MTARC2: variants seen among roughly 807,000 people sequenced by gnomAD.
MTARC2 encodes the protein mitochondrial amidoxime reducing component 2.
A neutral mutation model predicts 35.6 loss-of-function variants in MTARC2; 27 were observed. The ratio of observed to expected loss-of-function variants is 0.76; its 90% CI spans 0.56 to 1.04. The LOEUF is 1.04. Among genes scored for constraint, MTARC2 ranks in the 50% least tolerant of loss-of-function variants. The pLI is 0.00. For missense variants in MTARC2, 412 were observed against 432.5 expected (o/e 0.95, Z 0.42); for synonymous variants, 158 against 167.1 (o/e 0.95, Z 0.42).
rs1196344132 is a variant in MTARC2, at chr1:220,781,857, A to C, written c.964A>C (p.Ile322Leu). The C allele has an allele frequency of 1.2e-6, 2 of 1,614,226 alleles. No homozygotes were observed. Among genetic ancestry groups the C allele is most frequent in the African/African-American group, 2.7e-5 (2 of 75,072 alleles). The part of the protein sequence containing the change: ...LFGIYYSVEK[I>L]GSLRVGDPVY... ...TGGGATCTATTATTCAGTGGAAAAAATTGGAAGCCTGAGAGTTGGTGACCC... is the reference window on the plus strand; with the variant it reads ...TGGGATCTATTATTCAGTGGAAAAACTTGGAAGCCTGAGAGTTGGTGACCC... The change falls in exon 7 of 8, where the codon ATT becomes CTT. Residue 322 changes from isoleucine to leucine, a missense_variant. Ile to Leu is a conservative substitution (Grantham distance 5, BLOSUM62 2). Coordinates refer to ENST00000366913, the MANE Select transcript of MTARC2 (RefSeq NM_017898.5).
At chr1:220,782,402 A>G (rs1672097698) in intron 7 of MTARC2, among the ~76,000 whole-genome samples, 1 of 152,232 alleles carries the variant, frequency 6.6e-6, no homozygotes, top group African/African-American at 2.4e-5. Flanking sequence ...AGTTTGAAAA[A>G]AAATCAGTGC....
chr1:220,776,161 C>T (rs1671905670), intron 4 of MTARC2, among the ~76,000 whole-genome samples: 1 of 152,126 alleles, frequency 6.6e-6, no homozygotes, highest in African/African-American at 2.4e-5. Context: ...ATAAACATTC[C>T]CTTTTCTCCA....
Position 220,748,600 on chromosome 1 carries a change from C to G in MTARC2, c.69C>G (p.Leu23=). The G allele has an allele frequency of 6.9e-7, 1 of 1,455,962 alleles. No individual in the cohort carries two copies. Among genetic ancestry groups the G allele is most frequent in the Non-Finnish European group, 9.0e-7 (1 of 1,113,916 alleles). The allele number at this position is 1,455,962 out of a possible 1,614,324, so 90.2% of individuals were successfully genotyped here. The stretch of plus-strand genomic sequence containing the variant: ...CAGCCCGGCCCTGGCCCAGGTGGCT[C>G]GGGGTCGCCGCGCTAGGACTGGCCG... ...GLPARPWPRW[L]GVAALGLAAV... The change falls in exon 1 of 8, where the codon CTC becomes CTG. Residue 23 remains leucine (L), a synonymous_variant. Coordinates refer to ENST00000366913, the MANE Select transcript of MTARC2 (RefSeq NM_017898.5).
rs375772593 is a variant in MTARC2, at chr1:220,761,659, A to G, written c.448A>G (p.Ile150Val). ...GGTGTTCTTTTGTGACCTTTCCAGG[A>G]TATTTGGCCTTGACATTAAAGGCAG... is the stretch of plus-strand genomic sequence containing the variant. ...PSSNKLHNCR[I>V]FGLDIKGRDC... Residue 150 changes from isoleucine (I) to valine (V), a missense_variant and splice_region_variant, in exon 3 of 8, where the codon ATA becomes GTA. Physicochemically the swap from Ile to Val is conservative, Grantham distance 29. Transcript: ENST00000366913. 3.7e-6 allele frequency: 6 copies of G among 1,607,966 alleles called. No individual in the cohort carries two copies. In the African/African-American group the frequency reaches 8.1e-5, roughly 22 times the overall value.
rs1389396594 is a variant in MTARC2 at position 220,748,748 on chromosome 1, G to A, written c.217G>A (p.Val73Met). Residue 73 changes from valine (V) to methionine (M), a missense_variant, in exon 1 of 8, where the codon GTG (valine) becomes ATG (methionine). Physicochemically the swap from Val to Met is conservative, Grantham distance 21 (BLOSUM62 1). Coordinates refer to ENST00000366913, the MANE Select transcript of MTARC2 (RefSeq NM_017898.5). ...GGTGAAATCCTGCAAAGGGGTGCCGGTGAGCGAGGCTGAGTGCACGGCCAT... is the reference window on the plus strand; with the variant it reads ...GGTGAAATCCTGCAAAGGGGTGCCGATGAGCGAGGCTGAGTGCACGGCCAT... Reference protein sequence around the residue: ...YPVKSCKGVPVSEAECTAMGL... With the variant: ...YPVKSCKGVPMSEAECTAMGL... 1.2e-6 allele frequency: 2 copies of A among 1,600,656 alleles called. No homozygotes were observed. The highest frequency in any genetic ancestry group is 2.3e-5 in the East Asian group (1 of 44,098).
At chr1:220,766,056 T>C (rs1671568746) in intron 4 of MTARC2, among the ~76,000 whole-genome samples, 2 of 151,944 alleles carry the variant, frequency 1.3e-5, no homozygotes, top group Admixed American at 1.3e-4. Flanking sequence ...TCAGAGATGA[T>C]ACAGGGTCAG....
At position 220,763,063 on chromosome 1, in the gene MTARC2, C is replaced by G. The variant is rs563293765; in HGVS notation, c.750+13C>G. 2 of 1,614,186 alleles carry G rather than the reference C, an allele frequency of 1.2e-6. No individual in the cohort carries two copies. Among genetic ancestry groups the G allele is most frequent in the Non-Finnish European group, 1.7e-6 (2 of 1,180,024 alleles). On this transcript the variant is annotated intron_variant, in intron 4 of 7. Transcript: ENST00000366913. ...TGCTTTTGAGGAGGTAAGCGACCCA[C>G]TGCTTTTGTGCATCATGCTCAGATG...
intron 4 of MTARC2, among the ~76,000 whole-genome samples, chr1:220,766,979 A>C (rs1436738299): frequency 1.6e-5 from 1 of 63,984 alleles, no homozygotes; most frequent in African/African-American, 1.7e-4. Context: ...CCACCTCTAC[A>C]AAAAAAAAAA....
Position 220,755,066 on chromosome 1 carries a change from A to G in MTARC2, c.392A>G (p.Asp131Gly). The change falls in exon 2 of 8, where the codon GAC becomes GGC. Residue 131 changes from aspartate to glycine, a missense_variant. Transcript: ENST00000366913. ...CTGATCTTCAGGGCTCCAGACATGG[A>G]CCAGCTGGTTTTGCCTAGCAAGCAG... ...NCLIFRAPDM[D>G]QLVLPSKQPS... 1.2e-6 allele frequency: 2 copies of G among 1,612,900 alleles called. No individual in the cohort carries two copies. Among genetic ancestry groups the G allele is most frequent in the South Asian group, 1.1e-5 (1 of 90,852 alleles).
chr1:220,761,455 C>T (rs1023326678), intron 2 of MTARC2, among the ~76,000 whole-genome samples: 1 of 152,208 alleles, frequency 6.6e-6, no homozygotes, highest in Admixed American at 6.5e-5. Context: ...GGAGGATTTG[C>T]ACATACATTA....
chr1:220,773,371 T>G (rs1216055632), intron 4 of MTARC2, among the ~76,000 whole-genome samples: 2 of 152,178 alleles, frequency 1.3e-5, no homozygotes, highest in Admixed American at 1.3e-4. Flanking sequence ...TCCATCCCCA[T>G]CCCTTGCCCT....
chr1:220,755,101 A>G lies in MTARC2; in HGVS notation c.427A>G (p.Asn143Asp), dbSNP rs1184116446. ...LVLPSKQPSS[N>D]KLHNCRIFGL... ...TTTGCCTAGCAAGCAGCCTTCCTCA[A>G]ACAAACTCCACAACTGCAGGTGTTC... The change falls in exon 2 of 8, where the codon AAC (asparagine) becomes GAC (aspartate). Residue 143 changes from asparagine (N) to aspartate (D), a missense_variant. Coordinates refer to ENST00000366913, the MANE Select transcript of MTARC2 (RefSeq NM_017898.5). 5 of 1,609,056 alleles carry G rather than the reference A, an allele frequency of 3.1e-6. No homozygotes were observed. The highest frequency in any genetic ancestry group is 4.5e-5 in the East Asian group (2 of 44,658).
In MTARC2 at chr1:220,748,769, G is replaced by T. The variant is rs777094091; in HGVS notation, c.238G>T (p.Ala80Ser). Residue 80 changes from alanine to serine, a missense_variant, in exon 1 of 8, where the codon GCC becomes TCC. Ala to Ser is a moderately conservative substitution (Grantham distance 99). Transcript: ENST00000366913. Reference protein sequence around the residue: ...GVPVSEAECTAMGLRSGNLRD... With the variant: ...GVPVSEAECTSMGLRSGNLRD... ...GCCGGTGAGCGAGGCTGAGTGCACG[G>T]CCATGGGGCTGCGCAGCGGCAACCT... The T allele has an allele frequency of 9.4e-6, 15 of 1,599,074 alleles. No individual in the cohort carries two copies. Among genetic ancestry groups the T allele is most frequent in the Admixed American group, 1.7e-5 (1 of 58,690 alleles).
At position 220,763,039 on chromosome 1, in the gene MTARC2, G is replaced by A. The variant is rs201205507; in HGVS notation, c.739G>A (p.Ala247Thr). 1 of 1,614,168 alleles carries A rather than the reference G, an allele frequency of 6.2e-7. No individual in the cohort carries two copies. Among genetic ancestry groups the A allele is most frequent in the African/African-American group, 1.3e-5 (1 of 75,036 alleles). The change falls in exon 4 of 8, where the codon GCT (alanine) becomes ACT (threonine). Residue 247 changes from alanine (A) to threonine (T), a missense_variant. Physicochemically the swap from Ala to Thr is moderately conservative, Grantham distance 58. Coordinates refer to ENST00000366913, the MANE Select transcript of MTARC2 (RefSeq NM_017898.5). ...AAATATTGTGGTGACCGGCTGTGAT[G>A]CTTTTGAGGAGGTAAGCGACCCACT... is the stretch of plus-strand genomic sequence containing the variant. ...RPNIVVTGCD[A>T]FEEDTWDELL...
rs368777232 is a variant in MTARC2, at chr1:220,768,908, C to T, written c.750+5858C>T. The stretch of plus-strand genomic sequence containing the variant: ...TTTCAAGGTAAAAGTTCCATGTCCT[C>T]ATCTGGGGAGCTTCTGACATGCGTA... On this transcript the variant is annotated intron_variant, in intron 4 of 7. Coordinates refer to ENST00000366913, the MANE Select transcript of MTARC2 (RefSeq NM_017898.5). Among the ~76,000 whole-genome samples, 18 of 152,288 alleles carry T rather than the reference C, an allele frequency of 1.2e-4. No individual in the cohort carries two copies. In the East Asian group the frequency reaches 2.5e-3, roughly 21 times the overall value.
intron 3 of MTARC2, 125 bp from the exon 4 acceptor site, chr1:220,762,785 T>C: frequency 9.7e-7 from 1 of 1,034,060 alleles, no homozygotes. Flanking sequence ...ATCTCTCTCC[T>C]TCCTGAACAC....
At chr1:220,754,229 CCAGCTTCCCCTCA>C (rs796532188) in intron 1 of MTARC2, 18 of 435,450 alleles carry the variant, frequency 4.1e-5, no homozygotes, top group African/African-American at 3.2e-4. Flanking sequence ...CTGGGCCTGG[CCAGCTTCCCCTCA>C]CTCTTCAGCT....
chr1:220,762,984 G>A lies in MTARC2; in HGVS notation c.684G>A (p.Glu228=), dbSNP rs1671479161. ...TGGTAGATTTGAATACCAGGATGGAGAAGAAAATGAAAATGGAGAATTTCA... is the reference window on the plus strand; with the variant it reads ...TGGTAGATTTGAATACCAGGATGGAAAAGAAAATGAAAATGGAGAATTTCA... ...ASLVDLNTRM[E]KKMKMENFRP... is the part of the protein sequence containing the mutation. The change falls in exon 4 of 8, where the codon GAG becomes GAA. Residue 228 remains glutamate, a synonymous_variant. Coordinates refer to ENST00000366913, the MANE Select transcript of MTARC2 (RefSeq NM_017898.5). The A allele has an allele frequency of 3.1e-6, 5 of 1,614,088 alleles. No homozygotes were observed. In the South Asian group the frequency reaches 5.5e-5, roughly 18 times the overall value.
chr1:220,779,995 G>T (rs1672022016), intron 4 of MTARC2, 23 bp from the exon 5 acceptor site: 3 of 1,519,864 alleles, frequency 2.0e-6, no homozygotes, highest in Non-Finnish European at 2.6e-6. Context: ...CCATTTAAAA[G>T]ATAACTTTCT....
Sources: allele counts gnomAD v4.1 joint callset (sites outside exome capture counted in the v4.1 genomes callset), GRCh38; gene constraint gnomAD v4.1.1; transcripts MANE v1.5; gene names NCBI Gene and HGNC (gene_info 2026-07-23, HGNC 2026-07-21).